The following NR3C1 variants were observed in gnomAD, a reference collection of about 807,000 sequenced individuals.
NR3C1 encodes nuclear receptor subfamily 3 group C member 1.
A neutral mutation model predicts 74.0 loss-of-function variants in NR3C1; 14 were observed. The ratio of observed to expected loss-of-function variants is 0.19; its 90% CI spans 0.12 to 0.30. NR3C1 has a LOEUF of 0.30. NR3C1 is among the 10% of genes least tolerant of loss of function. NR3C1 has a pLI of 1.00. For synonymous variants in NR3C1, 308 were observed against 332.5 expected, an observed-to-expected ratio of 0.93 and a Z score of 0.80; for missense variants, 695 against 909.8, an observed-to-expected ratio of 0.76 and a Z score of 3.04.
At chr5:143,305,226 C>CA (rs1165660556) in intron 4 of NR3C1, among the ~76,000 whole-genome samples, 2 of 151,898 alleles carry the variant, frequency 1.3e-5, no homozygotes, top group African/African-American at 4.8e-5. Flanking sequence ...AGACACTTCT[C>CA]AAAAAAAGAC....
intron 7 of NR3C1, among the ~76,000 whole-genome samples, chr5:143,292,473 A>G (rs1041847340): frequency 3.3e-5 from 5 of 152,088 alleles, no homozygotes; most frequent in African/African-American, 1.2e-4. Flanking sequence ...GGCCTGTTGA[A>G]TTAGTTTTCC....
At chr5:143,368,810 AG>A (rs1833748992) in intron 2 of NR3C1, among the ~76,000 whole-genome samples, 1 of 152,186 alleles carries the variant, frequency 6.6e-6, no homozygotes, top group South Asian at 2.1e-4. Flanking sequence ...ATTAAAAAAA[AG>A]AAATGGATTT....
rs371512572 is a variant in NR3C1 at position 143,282,777 on chromosome 5, CTTTTTT to C, written c.2024-58_2024-53del. On this transcript the variant is annotated intron_variant, in intron 7 of 8. Coordinates refer to ENST00000394464, the MANE Select transcript of NR3C1 (RefSeq NM_000176.3). Reference sequence around the variant, plus strand: ...AAGGATTTTCTTTTTCTTTTCTTTTCTTTTTTTTTTTTTTTTGAGATAGATAGGGTC... The same window carrying C: ...AAGGATTTTCTTTTTCTTTTCTTTTCTTTTTTTTTTGAGATAGATAGGGTC... The C allele has an allele frequency of 3.8e-6, 5 of 1,326,260 alleles. No homozygotes were observed. The African/African-American group carries it at 6.3e-5, about 17-fold the overall frequency. 82.2% of individuals were successfully genotyped at this position (1,326,260 alleles called of 1,614,324 possible). A position where few individuals can be genotyped will look rare whatever the true frequency, so the allele number is the denominator to read the frequency against.
intron 3 of NR3C1, 50 bp downstream of exon 3, chr5:143,313,952 G>A (rs368542654): frequency 7.5e-5 from 119 of 1,595,812 alleles, no homozygotes; most frequent in Middle Eastern, 3.8e-4. Context: ...TCCACCCTGA[G>A]AAATGAAAAC....
At chr5:143,343,770 G>C in intron 2 of NR3C1, among the ~76,000 whole-genome samples, 1 of 152,158 alleles carries the variant, frequency 6.6e-6, no homozygotes, top group Non-Finnish European at 1.5e-5. Context: ...CCCATTCAGA[G>C]ATGAAATCAA....
At position 143,403,639 on chromosome 5, in the gene NR3C1, C is replaced by T. The variant is rs1840781751; in HGVS notation, c.-442G>A. 1 of 985,996 alleles carries T rather than the reference C, an allele frequency of 1.0e-6. No individual in the cohort carries two copies. The highest frequency in any genetic ancestry group is 1.7e-5 in the African/African-American group (1 of 57,348). The allele number at this position is 985,996 out of a possible 1,614,324, so 61.1% of individuals were successfully genotyped here. On this transcript the variant is annotated 5_prime_UTR_variant, in exon 1 of 9. Coordinates refer to ENST00000394464, the MANE Select transcript of NR3C1 (RefSeq NM_000176.3). Reference sequence around the variant, plus strand: ...AGCGCGGACACGCGAAAGGGCAGCCCGGCCTGGGCGAGCGAGCGGGACCGA... The same window carrying T: ...AGCGCGGACACGCGAAAGGGCAGCCTGGCCTGGGCGAGCGAGCGGGACCGA...
In NR3C1 at chr5:143,410,794, A is replaced by G. The variant is rs541345051; in HGVS notation, c.-13-9942T>C. Reference sequence around the variant, plus strand: ...CTTCACCACAACAAAAATGAAAATTATCATTGTCTCTTTTCACTTATTTCC... The same window carrying G: ...CTTCACCACAACAAAAATGAAAATTGTCATTGTCTCTTTTCACTTATTTCC... On this transcript the variant is annotated intron_variant, in intron 1 of 8. Coordinates refer to the NR3C1 transcript ENST00000343796. 4.0e-4 allele frequency among the ~76,000 whole-genome samples: 61 copies of G among 152,316 alleles called. No individual in the cohort carries two copies. In the Middle Eastern group the frequency reaches 0.01, roughly 25 times the overall value.
intron 2 of NR3C1, among the ~76,000 whole-genome samples, chr5:143,399,156 T>C (rs139858149): frequency 2.0e-5 from 3 of 152,350 alleles, no homozygotes; most frequent in Admixed American, 6.5e-5. Context: ...GTTTGAAGAA[T>C]AGGGCTCTTT....
chr5:143,290,319 C>T (rs984359282), intron 7 of NR3C1, among the ~76,000 whole-genome samples: 15 of 152,144 alleles, frequency 9.9e-5, no homozygotes, highest in Non-Finnish European at 1.9e-4. Context: ...ATTTGAGTAC[C>T]GTCAATGACT....
intron 2 of NR3C1, among the ~76,000 whole-genome samples, chr5:143,362,252 C>T (rs1832380291): frequency 6.6e-6 from 1 of 152,122 alleles, no homozygotes; most frequent in Non-Finnish European, 1.5e-5. Context: ...TTACCCAGTC[C>T]CCATCTATCC....
At position 143,281,893 on chromosome 5, in the gene NR3C1, T is replaced by TTTTGATGAAACAGAAG. The variant is rs1436498021; in HGVS notation, c.2314_2329dup (p.Lys777ThrfsTer27). The TTTTGATGAAACAGAAG allele has an allele frequency of 6.2e-7, 1 of 1,613,230 alleles. No individual in the cohort carries two copies. The highest frequency in any genetic ancestry group is 1.3e-5 in the African/African-American group (1 of 74,902). ...CAACCATTCTTATTAAGGCAGTCACTTTTGATGAAACAGAAGTTTTTTGAT... is the reference window on the plus strand; with the variant it reads ...CAACCATTCTTATTAAGGCAGTCACTTTTGATGAAACAGAAGTTTGATGAAACAGAAGTTTTTTGAT... On this transcript the variant is annotated frameshift_variant, in exon 9 of 9. Transcript: ENST00000394464. LOFTEE classifies it high-confidence loss of function.
At chr5:143,345,242 G>C (rs1829057935) in intron 2 of NR3C1, among the ~76,000 whole-genome samples, 1 of 152,146 alleles carries the variant, frequency 6.6e-6, no homozygotes, top group Non-Finnish European at 1.5e-5. Context: ...ACAGAGTCTA[G>C]CTCTGTCACC....
At chr5:143,416,902 C>G (rs1331497506) in intron 1 of NR3C1, among the ~76,000 whole-genome samples, 2 of 152,142 alleles carry the variant, frequency 1.3e-5, no homozygotes, top group Admixed American at 1.3e-4. Flanking sequence ...GAATATCAGT[C>G]TTCAGTTAAT....
At chr5:143,296,627 A>T (rs1267083820) in intron 6 of NR3C1, among the ~76,000 whole-genome samples, 1 of 149,062 alleles carries the variant, frequency 6.7e-6, no homozygotes, top group Admixed American at 6.6e-5. Context: ...AACAACAACA[A>T]TTTTTTTTTC....
chr5:143,398,356 GTTT>G (rs35241746), intron 2 of NR3C1, among the ~76,000 whole-genome samples: 4 of 85,332 alleles, frequency 4.7e-5, no homozygotes, highest in African/African-American at 7.3e-5. Flanking sequence ...AGGTTTTTTG[GTTT>G]TTTTTTTTTT....
upstream of NR3C1, chr5:143,404,508 C>T: frequency 1.0e-6 from 1 of 975,156 alleles, no homozygotes; most frequent in East Asian, 1.2e-4. Flanking sequence ...CCCTCCCCCG[C>T]GCCCCGACCG....
intron 2 of NR3C1, among the ~76,000 whole-genome samples, chr5:143,358,795 G>C (rs1831657325): frequency 6.6e-6 from 1 of 151,880 alleles, no homozygotes; most frequent in African/African-American, 2.4e-5. Context: ...AGCTACTTGG[G>C]AGGCTGAGCC....
chr5:143,288,474 C>A (rs1319454801), intron 7 of NR3C1, among the ~76,000 whole-genome samples: 1 of 151,790 alleles, frequency 6.6e-6, no homozygotes, highest in Admixed American at 6.6e-5. Context: ...AGATTCAAGG[C>A]TATCCTAATA....
rs758388108 is a variant in NR3C1, at chr5:143,399,810, G to T, written c.1030C>A (p.Gln344Lys). 3 of 1,614,174 alleles carry T rather than the reference G, an allele frequency of 1.9e-6. No individual in the cohort carries two copies. In the South Asian group the frequency reaches 3.3e-5, roughly 18 times the overall value. Residue 344 changes from glutamine (Q) to lysine (K), a missense_variant, in exon 2 of 9, where the codon CAG becomes AAG. By Grantham distance (53) the Gln-to-Lys change is moderately conservative. Coordinates refer to ENST00000394464, the MANE Select transcript of NR3C1 (RefSeq NM_000176.3). ...YDMNTASLSQ[Q>K]QDQKPIFNVI... ...TTAAAAATAGGCTTCTGATCCTGCT[G>T]TTGAGAAAGGGATGCTGTATTCATG...
Sources: gnomAD v4.1 joint callset for allele counts (sites outside exome capture counted in the v4.1 genomes callset) on GRCh38, gnomAD v4.1.1 for gene constraint, MANE v1.5 for transcripts, NCBI Gene and HGNC (gene_info 2026-07-23, HGNC 2026-07-21) for gene names.